RP1L1: variants seen among roughly 807,000 people sequenced by gnomAD.
RP1L1 encodes retinitis pigmentosa 1-like 1 protein.
A neutral mutation model predicts 15.7 loss-of-function variants in RP1L1; 27 were observed. The observed-to-expected ratio is 1.72, with a 90% CI of 1.27 to 2.38. The LOEUF (loss-of-function observed/expected upper bound fraction) is 2.38. RP1L1 is among the 30% of genes most tolerant of loss of function. The pLI is 0.00. For missense variants in RP1L1, 4,798 were observed against 3,075.9 expected (o/e 1.56, Z -13.24); for synonymous variants, 1,813 against 1,276.7 (o/e 1.42, Z -8.96).
intron 3 of RP1L1, among the ~76,000 whole-genome samples, chr8:10,615,526 T>C (rs910722598): frequency 7.9e-5 from 12 of 152,164 alleles, no homozygotes; most frequent in African/African-American, 1.9e-4. Context: ...CATGATGTCA[T>C]GGCCACTGTA....
intron 1 of RP1L1, among the ~76,000 whole-genome samples, chr8:10,654,638 A>G (rs935244896): frequency 6.6e-6 from 1 of 152,186 alleles, no homozygotes; most frequent in Non-Finnish European, 1.5e-5. Flanking sequence ...ACAGGCTGTG[A>G]TACTAACATC....
Position 10,609,960 on chromosome 8 carries a change from C to T in RP1L1, c.4138G>A (p.Gly1380Arg). The T allele has an allele frequency of 6.3e-7, 1 of 1,597,832 alleles. No homozygotes were observed. Among genetic ancestry groups the T allele is most frequent in the Non-Finnish European group, 8.5e-7 (1 of 1,169,782 alleles). ...TCTCCTTGCAGTCCTCCTTCTGGCC[C>T]TTCTTTAACTTCCTCTAACTGCACC... Reference protein sequence around the residue: ...EGVQLEEVKEGPEGGLQGEAL... With the variant: ...EGVQLEEVKERPEGGLQGEAL... The change falls in exon 4 of 4, where the codon GGG (glycine) becomes AGG (arginine). Residue 1380 changes from glycine to arginine, a missense_variant. By Grantham distance (125) the Gly-to-Arg change is moderately radical (BLOSUM62 -2). Coordinates refer to ENST00000382483, the MANE Select transcript of RP1L1 (RefSeq NM_178857.6).
chr8:10,623,034 G>A lies in RP1L1; in HGVS notation c.168C>T (p.Arg56=), dbSNP rs187433303. ...FAGVRLAVHQ[R]AFKTFSALMD... is the part of the protein sequence containing the mutation. ...TGAGGGCGCTGAAGGTCTTAAAGGC[G>A]CGCTGGTGAACGGCCAGGCGGACCC... Residue 56 remains arginine (R), a synonymous_variant, in exon 2 of 4, where the codon CGC becomes CGT. Transcript: ENST00000382483. 318 of 1,614,042 alleles carry A rather than the reference G, an allele frequency of 2.0e-4. No individual in the cohort carries two copies. The highest frequency in any genetic ancestry group is 1.0e-3 in the South Asian group (92 of 91,080).
chr8:10,608,679 C>T lies in RP1L1; in HGVS notation c.5419G>A (p.Gly1807Ser), dbSNP rs1322538614. Residue 1807 changes from glycine to serine, a missense_variant, in exon 4 of 4, where the codon GGC (glycine) becomes AGC (serine). Transcript: ENST00000382483. Reference sequence around the variant, plus strand: ...TGCAAGTTGTCCTCATGCCCAGAGCCTTGACCCCCAGTTTCTCCCCTTTCA... The same window carrying T: ...TGCAAGTTGTCCTCATGCCCAGAGCTTTGACCCCCAGTTTCTCCCCTTTCA... ...ISERGETGGQ[G>S]SGHEDNLQGE... 3 of 1,614,092 alleles carry T rather than the reference C, an allele frequency of 1.9e-6. No individual in the cohort carries two copies. The highest frequency in any genetic ancestry group is 1.6e-4 in the Middle Eastern group (1 of 6,084).
intron 1 of RP1L1, among the ~76,000 whole-genome samples, chr8:10,648,974 G>A (rs1798519837): frequency 6.6e-6 from 1 of 152,222 alleles, no homozygotes; most frequent in Non-Finnish European, 1.5e-5. Context: ...CCAGGCAGGA[G>A]GGGCCAGGGC....
chr8:10,635,788 G>A (rs746799766), intron 1 of RP1L1, among the ~76,000 whole-genome samples: 1 of 152,232 alleles, frequency 6.6e-6, no homozygotes, highest in South Asian at 2.1e-4. Flanking sequence ...AGTAGATTTG[G>A]AACTAATCCA....
chr8:10,611,849 G>A lies in RP1L1; in HGVS notation c.2249C>T (p.Ser750Phe), dbSNP rs752829716. The change falls in exon 4 of 4, where the codon TCT becomes TTT. Residue 750 changes from serine (S) to phenylalanine (F), a missense_variant. Ser to Phe is a radical substitution (Grantham distance 155). Coordinates refer to ENST00000382483, the MANE Select transcript of RP1L1 (RefSeq NM_178857.6). ...VTPAVHSDFV[S>F]GVSPHNAPSA... ...GGGAGCGTTGTGCGGGGAGACTCCA[G>A]AAACAAAATCCGAGTGGACTGCAGG... is the stretch of plus-strand genomic sequence containing the variant. 2 of 1,613,812 alleles carry A rather than the reference G, an allele frequency of 1.2e-6. No homozygotes were observed. Among genetic ancestry groups the A allele is most frequent in the Non-Finnish European group, 1.7e-6 (2 of 1,180,026 alleles).
rs193225741 is a variant in RP1L1 at position 10,611,803 on chromosome 8, G to A, written c.2295C>T (p.Asp765=). ...HNAPSAGWAG[D]AGSRTCSPAP... is the part of the protein sequence containing the mutation. Reference sequence around the variant, plus strand: ...CCGGCGAGCATGTCCTGGACCCCGCGTCCCCTGCCCACCCGGCAGAGGGAG... The same window carrying A: ...CCGGCGAGCATGTCCTGGACCCCGCATCCCCTGCCCACCCGGCAGAGGGAG... The change falls in exon 4 of 4, where the codon GAC becomes GAT. Residue 765 remains aspartate, a synonymous_variant. Transcript: ENST00000382483. The A allele has an allele frequency of 1.1e-4, 175 of 1,613,634 alleles. No homozygotes were observed. The highest frequency in any genetic ancestry group is 3.3e-4 in the Middle Eastern group (2 of 6,062).
Position 10,612,576 on chromosome 8 carries a change from C to G in RP1L1, c.1522G>C (p.Asp508His). 2 of 1,606,234 alleles carry G rather than the reference C, an allele frequency of 1.2e-6. No homozygotes were observed. The highest frequency in any genetic ancestry group is 2.2e-5 in the East Asian group (1 of 44,870). ...TCTGGGCCGCCCAGCCCTGCTCCAT[C>G]TATGCATAGGCCGGGGTCCTCACCC... ...SLGEDPGLCI[D>H]GAGLGGPEQG... The change falls in exon 4 of 4, where the codon GAT (aspartate) becomes CAT (histidine). Residue 508 changes from aspartate to histidine, a missense_variant. By Grantham distance (81) the Asp-to-His change is moderately conservative. Transcript: ENST00000382483.
At position 10,606,598 on chromosome 8, in the gene RP1L1, T is replaced by A; in HGVS notation, c.*297A>T. On this transcript the variant is annotated 3_prime_UTR_variant, in exon 4 of 4. Coordinates refer to ENST00000382483, the MANE Select transcript of RP1L1 (RefSeq NM_178857.6). The stretch of plus-strand genomic sequence containing the variant: ...ACTGGAGCCTTTCCAATCAGTTCCA[T>A]CTTTCGGGCTCTGCAGACAAATAAA... 1 of 425,860 alleles carries A rather than the reference T, an allele frequency of 2.3e-6. No homozygotes were observed. The allele number at this position is 425,860 out of a possible 1,614,324, so 26.4% of individuals were successfully genotyped here.
intron 1 of RP1L1, among the ~76,000 whole-genome samples, chr8:10,630,445 TG>T (rs1351152626): frequency 6.6e-5 from 10 of 152,248 alleles, no homozygotes; most frequent in Admixed American, 1.3e-4. Context: ...TCAGCCAGCC[TG>T]GGCCTTCAAG....
At chr8:10,647,700 AC>A (rs1246161511) in intron 1 of RP1L1, among the ~76,000 whole-genome samples, 4 of 152,122 alleles carry the variant, frequency 2.6e-5, no homozygotes, top group Non-Finnish European at 4.4e-5. Context: ...ATAATATTCC[AC>A]CTCATGTATA....
At chr8:10,650,985 A>T (rs1426779308) in intron 1 of RP1L1, among the ~76,000 whole-genome samples, 1 of 152,226 alleles carries the variant, frequency 6.6e-6, no homozygotes, top group African/African-American at 2.4e-5. Context: ...GCTAAAAGGG[A>T]ACACTAAGCT....
intron 2 of RP1L1, among the ~76,000 whole-genome samples, chr8:10,618,769 C>A (rs1422628537): frequency 6.6e-6 from 1 of 152,130 alleles, no homozygotes; most frequent in East Asian, 1.9e-4. Context: ...GAATGCTATG[C>A]CCCATACCAG....
chr8:10,613,040 C>G lies in RP1L1; in HGVS notation c.1058G>C (p.Ser353Thr), dbSNP rs760315866. 70 of 1,613,488 alleles carry G rather than the reference C, an allele frequency of 4.3e-5. No individual in the cohort carries two copies. The East Asian group carries it at 8.7e-4, about 20-fold the overall frequency. The change falls in exon 4 of 4, where the codon AGT becomes ACT. Residue 353 changes from serine to threonine, a missense_variant. Transcript: ENST00000382483. ...CTCCCCCAGAACGGGGTCTTCCCCACTGGCTGCCGTGAGGGCGCTGGCCCT... is the reference window on the plus strand; with the variant it reads ...CTCCCCCAGAACGGGGTCTTCCCCAGTGGCTGCCGTGAGGGCGCTGGCCCT... ...MGRASALTAA[S>T]GEDPVLGEVD...
At position 10,610,438 on chromosome 8, in the gene RP1L1, G is replaced by A. The variant is rs375441998; in HGVS notation, c.3660C>T (p.Asp1220=). ...SGESSVPCAM[D]GTLVTQGTEL... ...CTGTCCCCTGTGTCACCAGGGTGCC[G>A]TCCATGGCACAGGGTACGCTACTCT... Residue 1220 remains aspartate (D), a synonymous_variant, in exon 4 of 4, where the codon GAC becomes GAT. Transcript: ENST00000382483. The A allele has an allele frequency of 4.2e-5, 68 of 1,613,684 alleles. No homozygotes were observed. Among genetic ancestry groups the A allele is most frequent in the East Asian group, 3.1e-4 (14 of 44,878 alleles).
chr8:10,616,489 G>T lies in RP1L1; in HGVS notation c.708C>A (p.Ser236Arg), dbSNP rs200430607. ...TCAGCCCAGATAAAGTTTCAGCCTCGCTTCTCCTGGCATTTTTCATGGCTG... is the reference window on the plus strand; with the variant it reads ...TCAGCCCAGATAAAGTTTCAGCCTCTCTTCTCCTGGCATTTTTCATGGCTG... ...RTPAMKNARR[S>R]EAETLSGLTS... Residue 236 changes from serine to arginine, a missense_variant, in exon 3 of 4, where the codon AGC becomes AGA. Ser to Arg is a moderately radical substitution (Grantham distance 110, BLOSUM62 -1). Transcript: ENST00000382483. 5 of 1,614,074 alleles carry T rather than the reference G, an allele frequency of 3.1e-6. No homozygotes were observed. In the African/African-American group the frequency reaches 6.7e-5, roughly 22 times the overall value.
chr8:10,612,957 C>A lies in RP1L1; in HGVS notation c.1141G>T (p.Val381Leu). The A allele has an allele frequency of 6.2e-7, 1 of 1,613,108 alleles. No homozygotes were observed. Among genetic ancestry groups the A allele is most frequent in the Non-Finnish European group, 8.5e-7 (1 of 1,179,924 alleles). The change falls in exon 4 of 4, where the codon GTG (valine) becomes TTG (leucine). Residue 381 changes from valine to leucine, a missense_variant. Physicochemically the swap from Val to Leu is conservative, Grantham distance 32. Transcript: ENST00000382483. ...GYPWGFSEPG[V>L]WGPRPCRVGC... The stretch of plus-strand genomic sequence containing the variant: ...ACCCTGCAGGGCCGGGGTCCCCACA[C>A]CCCAGGCTCTGAGAAGCCCCAAGGG...
Position 10,622,945 on chromosome 8 carries a change from C to A in RP1L1, c.257G>T (p.Gly86Val). ...FGVRSVTTPR[G>V]LHSLSALEQL... is the part of the protein sequence containing the mutation. ...CTCCAGGGCGCTGAGGCTATGCAGG[C>A]CCCGGGGTGTGGTGACAGAGCGCAC... The change falls in exon 2 of 4, where the codon GGC (glycine) becomes GTC (valine). Residue 86 changes from glycine (G) to valine (V), a missense_variant. Gly to Val is a moderately radical substitution (Grantham distance 109). Transcript: ENST00000382483. 1 of 1,614,052 alleles carries A rather than the reference C, an allele frequency of 6.2e-7. No individual in the cohort carries two copies. Among genetic ancestry groups the A allele is most frequent in the Non-Finnish European group, 8.5e-7 (1 of 1,179,988 alleles).
Sources: allele counts gnomAD v4.1 joint callset (sites outside exome capture counted in the v4.1 genomes callset), GRCh38; gene constraint gnomAD v4.1.1; transcripts MANE v1.5; gene names NCBI Gene and HGNC (gene_info 2026-07-23, HGNC 2026-07-21).